Variants in ARSF observed in about 807,000 individuals in gnomAD.
ARSF encodes the protein arylsulfatase F.
Under a neutral mutation model 35.4 loss-of-function variants are expected in ARSF, and 33 were observed. That is an observed-to-expected ratio of 0.93 (90% CI 0.71 to 1.25). The LOEUF (loss-of-function observed/expected upper bound fraction) is 1.25, where lower values mean the gene tolerates loss of function less well. Among genes scored for constraint, ARSF ranks in the 50% most tolerant of loss-of-function variants. The pLI, the probability that ARSF is intolerant of heterozygous loss-of-function variation, is 0.00. For synonymous variants in ARSF, 222 were observed against 193.1 expected (o/e 1.15, Z -1.24); for missense variants, 501 against 480.2 (o/e 1.04, Z -0.40).
chrX:3,071,871 G>C (rs1022934580), intron 2 of ARSF, among the ~76,000 whole-genome samples, 155 bp from the exon 3 acceptor site: 1 of 104,406 alleles, frequency 9.6e-6, no homozygotes, highest in Non-Finnish European at 1.9e-5. Flanking sequence ...TTCAGCAGCA[G>C]TGCTCGGTGC....
At chrX:3,051,007 A>G (rs1417597868) in intron 1 of ARSF, among the ~76,000 whole-genome samples, 3 of 111,187 alleles carry the variant, frequency 2.7e-5, no homozygotes, top group African/African-American at 9.8e-5. Flanking sequence ...GACTGTGACC[A>G]ATTATTATTT....
In ARSF at chrX:3,081,753, G is replaced by C. The variant is rs377614890; in HGVS notation, c.406+740G>C. On this transcript the variant is annotated intron_variant, in intron 5 of 10. Transcript: ENST00000381127. ...TCTCTCACCGTGTATCCTGTCATCT[G>C]CCTCTTTATTTCACTAAAAATGGAC... Among the ~76,000 whole-genome samples the C allele has an allele frequency of 4.8e-4, 54 of 111,457 alleles. No homozygotes were observed. The South Asian group carries it at 0.019, about 39-fold the overall frequency.
intron 1 of ARSF, among the ~76,000 whole-genome samples, chrX:3,049,796 A>G (rs774198090): frequency 9.0e-6 from 1 of 111,731 alleles, no homozygotes; most frequent in Non-Finnish European, 1.9e-5. Flanking sequence ...AGGGAAGGGA[A>G]AAGTGAGTCA....
At chrX:3,077,350 A>G (rs774092319) in intron 4 of ARSF, among the ~76,000 whole-genome samples, 4 of 112,051 alleles carry the variant, frequency 3.6e-5, no homozygotes, top group African/African-American at 1.3e-4. Context: ...TCAAACCACA[A>G]AGTCATGGCC....
At chrX:3,083,848 C>A (rs2090223832) in intron 5 of ARSF, among the ~76,000 whole-genome samples, 2 of 111,658 alleles carry the variant, frequency 1.8e-5, no homozygotes, top group Admixed American at 9.6e-5. Context: ...TGCCTTGTCT[C>A]TGCGGTGTAT....
At chrX:3,051,982 G>C (rs1279604365) in intron 1 of ARSF, among the ~76,000 whole-genome samples, 6 of 110,921 alleles carry the variant, frequency 5.4e-5, no homozygotes, top group Non-Finnish European at 9.4e-5. Context: ...AACCAAGCGA[G>C]ATGCTGTCTC....
intron 1 of ARSF, among the ~76,000 whole-genome samples, chrX:3,052,910 T>C (rs1255170985): frequency 2.7e-5 from 3 of 111,398 alleles, no homozygotes; most frequent in Admixed American, 9.7e-5. Context: ...TTATCTAACT[T>C]GTCTATCAAG....
At chrX:3,063,741 C>T (rs2090051963) in intron 1 of ARSF, among the ~76,000 whole-genome samples, 1 of 111,761 alleles carries the variant, frequency 8.9e-6, no homozygotes, top group African/African-American at 3.3e-5. Flanking sequence ...AGGAATCCAA[C>T]TTACAAGGGA....
chrX:3,080,953 C>T lies in ARSF; in HGVS notation c.346C>T (p.Leu116Phe). The change falls in exon 5 of 11, where the codon CTT becomes TTT. Residue 116 changes from leucine to phenylalanine, a missense_variant. Leu to Phe is a conservative substitution (Grantham distance 22). Coordinates refer to ENST00000381127, the MANE Select transcript of ARSF (RefSeq NM_001201539.2). ...QNLAVPAGLP[L>F]NETTLAALLK... The stretch of plus-strand genomic sequence containing the variant: ...TCTTGCAGTCCCCGCAGGCCTCCCT[C>T]TTAATGAGACAACACTTGCAGCCTT... 8.3e-7 allele frequency: 1 copy of T among 1,211,788 alleles called. No homozygotes were observed. The highest frequency in any genetic ancestry group is 1.1e-6 in the Non-Finnish European group (1 of 895,430).
rs1183453507 is a variant in ARSF, at chrX:3,095,857, T to C, written c.968-5230T>C. 5.5e-5 allele frequency among the ~76,000 whole-genome samples: 6 copies of C among 109,850 alleles called. No individual in the cohort carries two copies. The Admixed American group carries it at 5.9e-4, about 11-fold the overall frequency. The stretch of plus-strand genomic sequence containing the variant: ...AGTAGCCAGGAAAATTCTTGCATGC[T>C]TTCTAGTATTACCTAACTATATATA... On this transcript the variant is annotated intron_variant, in intron 7 of 10. Coordinates refer to ENST00000381127, the MANE Select transcript of ARSF (RefSeq NM_001201539.2).
intron 7 of ARSF, among the ~76,000 whole-genome samples, chrX:3,093,201 G>C (rs1173704216): frequency 1.8e-5 from 2 of 112,261 alleles, no homozygotes; most frequent in Admixed American, 9.4e-5. Context: ...TCCCACAGCA[G>C]TGCCCTGAAA....
At chrX:3,079,407 G>GCTCCACT (rs1244977577) in intron 4 of ARSF, among the ~76,000 whole-genome samples, 1 of 100,296 alleles carries the variant, frequency 1.0e-5, no homozygotes, top group Admixed American at 1.1e-4. Flanking sequence ...GTGCAATGGC[G>GCTCCACT]CAATCTCGGC....
At chrX:3,073,096 G>C (rs188747753) in intron 3 of ARSF, among the ~76,000 whole-genome samples, 2,118 of 95,576 alleles carry the variant, frequency 0.022, 25 homozygotes, top group Middle Eastern at 0.058. Flanking sequence ...TTTTATAAAA[G>C]TACATTTAAA....
chrX:3,091,076 G>A (rs921505331), intron 7 of ARSF, among the ~76,000 whole-genome samples: 5 of 110,482 alleles, frequency 4.5e-5, no homozygotes, highest in East Asian at 5.7e-4. Flanking sequence ...TACTGCGCCC[G>A]GCTAATTTTT....
chrX:3,080,016 GA>G (rs1160888651), intron 4 of ARSF, among the ~76,000 whole-genome samples: 12 of 60,573 alleles, frequency 2.0e-4, no homozygotes, highest in South Asian at 8.8e-4. Flanking sequence ...AAAAAAAAAA[GA>G]AAAAAAAATG....
intron 1 of ARSF, among the ~76,000 whole-genome samples, chrX:3,054,064 C>T (rs987766503): frequency 9.3e-6 from 1 of 107,684 alleles, no homozygotes; most frequent in African/African-American, 3.3e-5. Context: ...ACCCAGCCTA[C>T]CTACTGGACT....
chrX:3,058,640 G>T lies in ARSF; in HGVS notation c.-28-9433G>T, dbSNP rs367548924. The T allele has an allele frequency of 4.3e-5, 14 of 323,547 alleles. No homozygotes were observed. The East Asian group carries it at 7.1e-4, about 16-fold the overall frequency. The allele number at this position is 323,547 out of a possible 1,213,427, so 26.7% of individuals were successfully genotyped here. ...GGCCAAGGCAGGAGGATTCTTTGAG[G>T]CCAGGAGTTCAAAACCAGCCTGGGC... On this transcript the variant is annotated intron_variant, in intron 1 of 10. Transcript: ENST00000381127.
Position 3,076,624 on chromosome X carries a change from C to T in ARSF, c.238C>T (p.Pro80Ser), listed in dbSNP as rs2090153269. 1 of 1,209,671 alleles carries T rather than the reference C, an allele frequency of 8.3e-7. No individual in the cohort carries two copies. Among genetic ancestry groups the T allele is most frequent in the African/African-American group, 1.7e-5 (1 of 57,160 alleles). ...CATCTCTGCCGCCTCCCTCTGCAGC[C>T]CAAGCCGGTCCGCGTTCTTGACGGG... ...QHISAASLCS[P>S]SRSAFLTGRY... is the part of the protein sequence containing the mutation. Residue 80 changes from proline to serine, a missense_variant, in exon 4 of 11, where the codon CCA becomes TCA. Coordinates refer to ENST00000381127, the MANE Select transcript of ARSF (RefSeq NM_001201539.2).
chrX:3,054,778 G>T (rs2090010943), intron 1 of ARSF, among the ~76,000 whole-genome samples: 1 of 107,313 alleles, frequency 9.3e-6, no homozygotes. Flanking sequence ...TTGTTGCCCA[G>T]GCTGGAGTGC....
Sources: allele counts gnomAD v4.1 joint callset (sites outside exome capture counted in the v4.1 genomes callset), GRCh38; gene constraint gnomAD v4.1.1; transcripts MANE v1.5; gene names NCBI Gene and HGNC (gene_info 2026-07-23, HGNC 2026-07-21).